PCCA: variants seen among roughly 807,000 people sequenced by gnomAD.
PCCA encodes propionyl-CoA carboxylase subunit alpha.
A neutral mutation model predicts 101.3 loss-of-function variants in PCCA; 74 were observed. That is an observed-to-expected ratio of 0.73 (90% CI 0.61 to 0.89). The LOEUF is 0.89. Ranked by LOEUF, PCCA falls within the 40% of genes least tolerant of loss-of-function variation. The pLI, the probability that PCCA is intolerant of heterozygous loss-of-function variation, is 0.00. For missense variants in PCCA, 891 were observed against 907.0 expected, an observed-to-expected ratio of 0.98 and a Z score of 0.23; for synonymous variants, 294 against 313.6, an observed-to-expected ratio of 0.94 and a Z score of 0.66.
rs76377454 is a variant in PCCA, at chr13:100,180,066, G to C, written c.468+22726G>C. 3.1e-3 allele frequency among the ~76,000 whole-genome samples: 476 copies of C among 152,128 alleles called. 2 individuals carry two copies. Among genetic ancestry groups the C allele is most frequent in the African/African-American group, 0.011 (455 of 41,484 alleles). ...CAGTTAGGGTCATTCTAAGAAGCTG[G>C]GATTTAGGTCTGAGTGCATTGGGGA... is the stretch of plus-strand genomic sequence containing the variant. On this transcript the variant is annotated intron_variant, in intron 6 of 23. Transcript: ENST00000376285.
intron 8 of PCCA, among the ~76,000 whole-genome samples, chr13:100,247,882 G>A (rs2061538958): frequency 1.3e-5 from 2 of 152,096 alleles, no homozygotes. Context: ...ATTTTTCCTT[G>A]CTCGTTAGGT....
At chr13:100,439,359 A>G (rs1166360017) in intron 20 of PCCA, among the ~76,000 whole-genome samples, 2 of 152,180 alleles carry the variant, frequency 1.3e-5, no homozygotes, top group Non-Finnish European at 2.9e-5. Context: ...AACCATTTTT[A>G]AAACGTGGAA....
intron 21 of PCCA, among the ~76,000 whole-genome samples, chr13:100,492,696 C>T (rs1372654873): frequency 6.6e-6 from 1 of 151,082 alleles, no homozygotes; most frequent in Non-Finnish European, 1.5e-5. Context: ...CCACGCCCCC[C>T]TCTCCTGTAT....
At chr13:100,224,589 T>C (rs1184027503) in intron 7 of PCCA, among the ~76,000 whole-genome samples, 1 of 152,232 alleles carries the variant, frequency 6.6e-6, no homozygotes, top group Non-Finnish European at 1.5e-5. Context: ...GCCAGCACGC[T>C]GTCACCTCTC....
At chr13:100,438,952 C>T (rs560508316) in intron 20 of PCCA, among the ~76,000 whole-genome samples, 3 of 152,216 alleles carry the variant, frequency 2.0e-5, no homozygotes, top group Non-Finnish European at 2.9e-5. Context: ...AACAATGGAA[C>T]GGTCAGAGTG....
intron 21 of PCCA, among the ~76,000 whole-genome samples, chr13:100,505,186 C>T (rs192346073): frequency 4.6e-5 from 7 of 152,268 alleles, no homozygotes; most frequent in African/African-American, 9.6e-5. Context: ...TCCTTGAATA[C>T]GTTTATATTG....
In PCCA at chr13:100,315,210, A is replaced by T. The variant is rs144169294; in HGVS notation, c.1429+5302A>T. Among the ~76,000 whole-genome samples, 437 of 152,230 alleles carry T rather than the reference A, an allele frequency of 2.9e-3. 2 individuals are homozygous for T. The highest frequency in any genetic ancestry group is 9.9e-3 in the African/African-American group (411 of 41,568). On this transcript the variant is annotated intron_variant, in intron 16 of 23. Coordinates refer to ENST00000376285, the MANE Select transcript of PCCA (RefSeq NM_000282.4). The stretch of plus-strand genomic sequence containing the variant: ...CTTACTATTTTTTTGAAATTTTTTT[A>T]AATTTTGAATTTTGAAATTATTTCA...
chr13:100,259,329 G>GTTTT (rs5806157), intron 9 of PCCA, among the ~76,000 whole-genome samples: 11 of 65,336 alleles, frequency 1.7e-4, no homozygotes, highest in African/African-American at 3.8e-4. Context: ...AAATGTAATG[G>GTTTT]TTTTTTTTTT....
intron 21 of PCCA, among the ~76,000 whole-genome samples, chr13:100,469,983 C>T (rs545086658): frequency 3.3e-5 from 5 of 152,112 alleles, no homozygotes; most frequent in East Asian, 1.9e-4. Flanking sequence ...GATTTTGAAA[C>T]GTGGTCAAGG....
At chr13:100,498,040 GT>G (rs1401472105) in intron 21 of PCCA, among the ~76,000 whole-genome samples, 1 of 151,744 alleles carries the variant, frequency 6.6e-6, no homozygotes, top group East Asian at 1.9e-4. Context: ...TGGCTAACCT[GT>G]TTTTTTGTAG....
At chr13:100,377,690 T>G (rs1185310915) in intron 19 of PCCA, among the ~76,000 whole-genome samples, 1 of 151,974 alleles carries the variant, frequency 6.6e-6, no homozygotes, top group East Asian at 1.9e-4. Flanking sequence ...GAGACAGGGT[T>G]TCACCGTGTT....
chr13:100,245,362 A>G (rs539422269), intron 8 of PCCA, among the ~76,000 whole-genome samples: 1 of 152,290 alleles, frequency 6.6e-6, no homozygotes, highest in Non-Finnish European at 1.5e-5. Context: ...AACTCTAGTA[A>G]TATGCTAAAT....
rs567044849 is a variant in PCCA at position 100,329,838 on chromosome 13, A to C, written c.1430-723A>C. ...GTCTGTTGCTGGTCTGATCCACTAC[A>C]GGTTTCTGAATCCTGGTGAAACCAT... On this transcript the variant is annotated intron_variant, in intron 16 of 23. Transcript: ENST00000376285. Among the ~76,000 whole-genome samples the C allele has an allele frequency of 2.6e-5, 4 of 152,310 alleles. No homozygotes were observed. In the East Asian group the frequency reaches 7.7e-4, roughly 29 times the overall value.
chr13:100,376,651 T>TA (rs1567031123), intron 19 of PCCA, among the ~76,000 whole-genome samples: 2 of 152,152 alleles, frequency 1.3e-5, no homozygotes, highest in Non-Finnish European at 2.9e-5. Flanking sequence ...CAAGCCTCAA[T>TA]AATGGTGGAT....
In PCCA at chr13:100,471,452, T is replaced by G. The variant is rs527835455; in HGVS notation, c.1899+22147T>G. On this transcript the variant is annotated intron_variant, in intron 21 of 23. Transcript: ENST00000376285. ...AGTAAGCACATGCTGTTGGAAAAAA[T>G]GGTGGCAATAGATAAAGGGTTGCCA... Among the ~76,000 whole-genome samples, 7 of 152,204 alleles carry G rather than the reference T, an allele frequency of 4.6e-5. No homozygotes were observed. The East Asian group carries it at 9.7e-4, about 21-fold the overall frequency.
chr13:100,303,259 T>G (rs971486398), intron 14 of PCCA, among the ~76,000 whole-genome samples: 7 of 152,114 alleles, frequency 4.6e-5, no homozygotes, highest in Admixed American at 6.5e-5. Context: ...CTTTCGAAAA[T>G]TATAATAAAA....
chr13:100,478,928 A>G (rs2083651861), intron 21 of PCCA, among the ~76,000 whole-genome samples: 1 of 152,194 alleles, frequency 6.6e-6, no homozygotes, highest in African/African-American at 2.4e-5. Context: ...TTCTCTCTGC[A>G]CAGGGTTCAG....
intron 21 of PCCA, among the ~76,000 whole-genome samples, chr13:100,457,942 A>G (rs1450847331): frequency 2.0e-5 from 3 of 152,138 alleles, no homozygotes; most frequent in Admixed American, 6.5e-5. Flanking sequence ...TGCTACTTGC[A>G]AGCTGTAGTA....
At chr13:100,493,704 T>G (rs138568943) in intron 21 of PCCA, among the ~76,000 whole-genome samples, 136 of 152,330 alleles carry the variant, frequency 8.9e-4, no homozygotes, top group African/African-American at 3.0e-3. Context: ...CTTCCTGGCC[T>G]GTGAGTGTTG....
Sources: allele counts gnomAD v4.1 joint callset (sites outside exome capture counted in the v4.1 genomes callset), GRCh38; gene constraint gnomAD v4.1.1; transcripts MANE v1.5; gene names NCBI Gene and HGNC (gene_info 2026-07-23, HGNC 2026-07-21).